The following ALCAM variants were observed in gnomAD, a reference collection of about 807,000 sequenced individuals.
The protein encoded by ALCAM is activated leukocyte cell adhesion molecule, also known as CD166 antigen.
In ALCAM, 30 loss-of-function variants were observed where a neutral mutation model predicts 70.9. That is an observed-to-expected ratio of 0.42 (90% CI 0.32 to 0.57). The LOEUF is 0.57. ALCAM is among the 20% of genes least tolerant of loss of function. The pLI is 0.11. For synonymous variants in ALCAM, 249 were observed against 242.5 expected (o/e 1.03, Z -0.25); for missense variants, 591 against 695.1 (o/e 0.85, Z 1.68).
At chr3:105,516,783 A>G (rs73192730) in intron 1 of ALCAM, among the ~76,000 whole-genome samples, 16,488 of 152,116 alleles carry the variant, frequency 0.11, 1,017 homozygotes, top group Middle Eastern at 0.17. Context: ...CACATACAGA[A>G]CACACTTATA....
chr3:105,483,770 ATG>A (rs1304574341), intron 1 of ALCAM, among the ~76,000 whole-genome samples: 1 of 152,148 alleles, frequency 6.6e-6, no homozygotes, highest in East Asian at 1.9e-4. Context: ...CAAACAAGGA[ATG>A]TGTGTTATAG....
chr3:105,369,278 T>A (rs970676582), intron 1 of ALCAM, among the ~76,000 whole-genome samples: 5 of 152,082 alleles, frequency 3.3e-5, no homozygotes, highest in African/African-American at 1.2e-4. Context: ...TTCTACACAT[T>A]TAACTGCTAA....
rs1216734478 is a variant in ALCAM, at chr3:105,475,808, C to A, written c.74-44259C>A. On this transcript the variant is annotated intron_variant, in intron 1 of 15. Transcript: ENST00000306107. ...CTTGTGTACACCCTTTCCCTCTGAA[C>A]TGGATCCTGGCCCCCATCATGCTCT... 3.9e-5 allele frequency among the ~76,000 whole-genome samples: 6 copies of A among 151,906 alleles called. No homozygotes were observed. In the Admixed American group the frequency reaches 4.0e-4, roughly 10 times the overall value.
intron 1 of ALCAM, among the ~76,000 whole-genome samples, chr3:105,387,425 T>TAA (rs869108100): frequency 5.5e-5 from 8 of 145,668 alleles, no homozygotes; most frequent in Non-Finnish European, 6.1e-5. Flanking sequence ...ACTACTAACT[T>TAA]AAAAAAAAAA....
Position 105,547,301 on chromosome 3 carries a change from G to T in ALCAM, c.1240+17G>T. Reference sequence around the variant, plus strand: ...TTGTAGAAGGTAATAAAATACTTGGGCACTAATTCAAATTGTTCTTTGAGA... The same window carrying T: ...TTGTAGAAGGTAATAAAATACTTGGTCACTAATTCAAATTGTTCTTTGAGA... On this transcript the variant is annotated intron_variant, in intron 10 of 15. Transcript: ENST00000306107. 1 of 1,581,898 alleles carries T rather than the reference G, an allele frequency of 6.3e-7. No individual in the cohort carries two copies. Among genetic ancestry groups the T allele is most frequent in the Non-Finnish European group, 8.6e-7 (1 of 1,166,048 alleles).
rs1238422376 is a variant in ALCAM at position 105,429,265 on chromosome 3, CAG to C, written c.73+61788_73+61789del. Among the ~76,000 whole-genome samples, 3 of 152,052 alleles carry C rather than the reference CAG, an allele frequency of 2.0e-5. No homozygotes were observed. The East Asian group carries it at 5.8e-4, about 30-fold the overall frequency. ...AAATACACTGGAGTTCACTGTCAAA[CAG>C]AGATTCCCAAGAAACCAAACAGAAA... On this transcript the variant is annotated intron_variant, in intron 1 of 15. Transcript: ENST00000306107.
intron 3 of ALCAM, among the ~76,000 whole-genome samples, chr3:105,530,367 C>T (rs3772556): frequency 0.74 from 113,069 of 151,846 alleles, 42,220 homozygotes; most frequent in East Asian, 0.92. Flanking sequence ...TTTACTCTTA[C>T]GTGAAAGGCT....
chr3:105,469,513 A>G (rs1432683649), intron 1 of ALCAM, among the ~76,000 whole-genome samples: 4 of 151,290 alleles, frequency 2.6e-5, no homozygotes, highest in Admixed American at 6.6e-5. Flanking sequence ...CAGAAAGTAG[A>G]AAAAAATTAA....
intron 1 of ALCAM, among the ~76,000 whole-genome samples, chr3:105,443,267 C>T (rs963447223): frequency 3.3e-5 from 5 of 152,108 alleles, no homozygotes; most frequent in African/African-American, 1.2e-4. Context: ...CCTATATTCC[C>T]AGGGGCTAAA....
chr3:105,550,936 G>C (rs879862450), intron 12 of ALCAM, among the ~76,000 whole-genome samples: 1 of 151,560 alleles, frequency 6.6e-6, no homozygotes, highest in Non-Finnish European at 1.5e-5. Context: ...ATGTGAAATT[G>C]TCCATAATCT....
intron 1 of ALCAM, among the ~76,000 whole-genome samples, chr3:105,502,598 T>C (rs541489395): frequency 6.6e-6 from 1 of 152,340 alleles, no homozygotes; most frequent in South Asian, 2.1e-4. Context: ...ATTACCCTTT[T>C]GTACAGCTGG....
At chr3:105,379,146 A>G (rs1391617801) in intron 1 of ALCAM, among the ~76,000 whole-genome samples, 1 of 152,058 alleles carries the variant, frequency 6.6e-6, no homozygotes, top group Non-Finnish European at 1.5e-5. Flanking sequence ...GGAATATTCA[A>G]GAAGGTAATG....
intron 1 of ALCAM, among the ~76,000 whole-genome samples, chr3:105,423,150 T>A (rs777767914): frequency 1.3e-5 from 2 of 151,252 alleles, no homozygotes; most frequent in Non-Finnish European, 3.0e-5. Flanking sequence ...AGAGTAAGAG[T>A]TTTATTGCAA....
At chr3:105,404,378 G>A (rs1456491176) in intron 1 of ALCAM, among the ~76,000 whole-genome samples, 1 of 152,116 alleles carries the variant, frequency 6.6e-6, no homozygotes, top group Non-Finnish European at 1.5e-5. Flanking sequence ...CAGATTAACA[G>A]CACATTTCTC....
intron 1 of ALCAM, among the ~76,000 whole-genome samples, chr3:105,453,131 T>C (rs1041785526): frequency 1.3e-5 from 2 of 152,198 alleles, no homozygotes; most frequent in Non-Finnish European, 2.9e-5. Flanking sequence ...AGCATTTTTG[T>C]CATGAAGTCT....
rs781540316 is a variant in ALCAM at position 105,547,472 on chromosome 3, A to G, written c.1323A>G (p.Pro441=). ...KTIICHVEGF[P]KPAIQWTITG... ...TAATCTGCCATGTGGAAGGTTTTCC[A>G]AAGCCAGCCATTCAATGGACAATTA... is the stretch of plus-strand genomic sequence containing the variant. The change falls in exon 11 of 16, where the codon CCA becomes CCG. Residue 441 remains proline, a synonymous_variant. Coordinates refer to ENST00000306107, the MANE Select transcript of ALCAM (RefSeq NM_001627.4). 2.5e-6 allele frequency: 4 copies of G among 1,610,586 alleles called. No individual in the cohort carries two copies. In the African/African-American group the frequency reaches 5.4e-5, roughly 22 times the overall value.
rs1307789279 is a variant in ALCAM at position 105,534,709 on chromosome 3, C to G, written c.594C>G (p.Leu198=). The G allele has an allele frequency of 3.1e-6, 5 of 1,613,770 alleles. No homozygotes were observed. The highest frequency in any genetic ancestry group is 4.5e-5 in the East Asian group (2 of 44,852). ...FKKEMDPVTQ[L]YTMTSTLEYK... ...AGGAAATGGACCCAGTGACTCAGCT[C>G]TATACCATGACTTCCACCCTGGAGT... is the stretch of plus-strand genomic sequence containing the variant. Residue 198 remains leucine (L), a synonymous_variant, in exon 6 of 16, where the codon CTC becomes CTG. Coordinates refer to ENST00000306107, the MANE Select transcript of ALCAM (RefSeq NM_001627.4).
chr3:105,443,421 G>A (rs1052290922), intron 1 of ALCAM, among the ~76,000 whole-genome samples: 2 of 152,046 alleles, frequency 1.3e-5, no homozygotes, highest in South Asian at 2.1e-4. Context: ...TATTATGCAC[G>A]CGAGCTTTCC....
At chr3:105,385,397 T>C (rs563116686) in intron 1 of ALCAM, among the ~76,000 whole-genome samples, 1 of 151,540 alleles carries the variant, frequency 6.6e-6, no homozygotes, top group African/African-American at 2.4e-5. Flanking sequence ...GGACCTCTCT[T>C]CAGAGAGGAA....
Sources: gnomAD v4.1 joint callset for allele counts (sites outside exome capture counted in the v4.1 genomes callset) on GRCh38, gnomAD v4.1.1 for gene constraint, MANE v1.5 for transcripts, NCBI Gene and HGNC (gene_info 2026-07-23, HGNC 2026-07-21) for gene names.